Variants in ANGEL1 observed in about 807,000 individuals in gnomAD.
The protein encoded by ANGEL1 is angel homolog 1.
Under a neutral mutation model 76.4 loss-of-function variants are expected in ANGEL1, and 62 were observed. The ratio of observed to expected loss-of-function variants is 0.81; its 90% CI spans 0.66 to 1.00. ANGEL1 has a LOEUF of 1.00. Ranked by LOEUF, ANGEL1 falls within the 50% of genes least tolerant of loss-of-function variation. The pLI, the probability that ANGEL1 is intolerant of heterozygous loss-of-function variation, is 0.00. For missense variants in ANGEL1, 737 were observed against 836.7 expected (o/e 0.88, Z 1.47); for synonymous variants, 340 against 331.7 (o/e 1.03, Z -0.27).
At position 76,807,478 on chromosome 14, in the gene ANGEL1, C is replaced by T. The variant is rs1466135548; in HGVS notation, c.901G>A (p.Glu301Lys). The change falls in exon 4 of 10, where the codon GAA becomes AAA. Residue 301 changes from glutamate (E) to lysine (K), a missense_variant. This residue lies in a region of ANGEL1 where 441 missense variants were observed against 449.5 expected (regional missense o/e 0.98). Coordinates refer to ENST00000251089, the MANE Select transcript of ANGEL1 (RefSeq NM_015305.4). ...TCCAGCTGCTCCCAGTAATGATCTT[C>T]CTGGACTTCCTGGAGACACAGGATC... ...PDILCLQEVQ[E>K]DHYWEQLEPS... The T allele has an allele frequency of 1.2e-6, 2 of 1,613,568 alleles. No homozygotes were observed. The highest frequency in any genetic ancestry group is 1.1e-5 in the South Asian group (1 of 90,882).
chr14:76,803,097 A>G (rs1894812900), intron 7 of ANGEL1, among the ~76,000 whole-genome samples: 1 of 152,218 alleles, frequency 6.6e-6, no homozygotes, highest in African/African-American at 2.4e-5. Context: ...CATGCTAGTC[A>G]TTAGCAACTT....
chr14:76,809,256 GGGAT>G lies in ANGEL1; in HGVS notation c.448_451del (p.Ile150ProfsTer35), dbSNP rs1373763315. 6.2e-7 allele frequency: 1 copy of G among 1,613,178 alleles called. No individual in the cohort carries two copies. The highest frequency in any genetic ancestry group is 8.5e-7 in the Non-Finnish European group (1 of 1,179,520). On this transcript the variant is annotated frameshift_variant, in exon 2 of 10. Transcript: ENST00000251089. LOFTEE classifies it high-confidence loss of function. ...TGCATACTGGGGCTCCGACTGCATG[GGGAT>G]AGCTGCCCACATGGAGCCCTCCACC...
chr14:76,795,451 A>G (rs1894548982), intron 7 of ANGEL1, among the ~76,000 whole-genome samples: 1 of 152,174 alleles, frequency 6.6e-6, no homozygotes, highest in Non-Finnish European at 1.5e-5. Flanking sequence ...AGAACATTAG[A>G]GTCTGCAGTT....
intron 7 of ANGEL1, among the ~76,000 whole-genome samples, chr14:76,793,285 C>T (rs553915862): frequency 2.7e-5 from 4 of 147,170 alleles, no homozygotes; most frequent in African/African-American, 1.0e-4. Flanking sequence ...GCAATACTTC[C>T]CTAGGCAACA....
chr14:76,812,698 GCCCGCGGAGCCCCGCAGAGGCGA>G, intron 1 of ANGEL1, 43 bp downstream of exon 1: 1 of 1,446,920 alleles, frequency 6.9e-7, no homozygotes. Flanking sequence ...GCCGCCCCAG[GCCCGCGGAGCCCCGCAGAGGCGA>G]GCCCTGGCCG....
chr14:76,809,646 A>G lies in ANGEL1; in HGVS notation c.65-3T>C. The G allele has an allele frequency of 6.2e-7, 1 of 1,609,730 alleles. No homozygotes were observed. The highest frequency in any genetic ancestry group is 8.5e-7 in the Non-Finnish European group (1 of 1,177,392). ...TTTTCGACATGTGAAGAAAGCATCT[A>G]GGAGGAAAGCCAAAATACCAGGTTA... On this transcript the variant is annotated splice_polypyrimidine_tract_variant and splice_region_variant and intron_variant, in intron 1 of 9. Coordinates refer to ENST00000251089, the MANE Select transcript of ANGEL1 (RefSeq NM_015305.4).
At chr14:76,805,259 T>C (rs1894885110) in intron 5 of ANGEL1, among the ~76,000 whole-genome samples, 1 of 152,146 alleles carries the variant, frequency 6.6e-6, no homozygotes, top group Non-Finnish European at 1.5e-5. Flanking sequence ...TTGCTCAAGG[T>C]GGCAGAGCAC....
chr14:76,812,478 G>A, intron 1 of ANGEL1: 1 of 1,209,060 alleles, frequency 8.3e-7, no homozygotes, highest in Non-Finnish European at 1.0e-6. Flanking sequence ...GGCCAGGAAA[G>A]GGCCCTGCCC....
chr14:76,795,302 T>G (rs144595911), intron 7 of ANGEL1, among the ~76,000 whole-genome samples: 107 of 152,332 alleles, frequency 7.0e-4, no homozygotes, highest in African/African-American at 2.4e-3. Flanking sequence ...ATTATATTAA[T>G]AGATATCCCA....
chr14:76,792,421 A>G (rs1894434631), intron 7 of ANGEL1, among the ~76,000 whole-genome samples: 1 of 152,194 alleles, frequency 6.6e-6, no homozygotes, highest in South Asian at 2.1e-4. Flanking sequence ...CTGACATCAA[A>G]ACTAGATAAA....
chr14:76,799,375 G>A (rs1894689498), intron 7 of ANGEL1, among the ~76,000 whole-genome samples: 1 of 127,452 alleles, frequency 7.8e-6, no homozygotes, highest in South Asian at 2.7e-4. Context: ...CTCACTGCAA[G>A]CTCTGCCTCC....
intron 5 of ANGEL1, among the ~76,000 whole-genome samples, chr14:76,805,939 T>C (rs1894904997): frequency 6.6e-6 from 1 of 152,238 alleles, no homozygotes. Context: ...TTAATGAGTA[T>C]AAAGTGCTTA....
At chr14:76,807,873 G>A in intron 3 of ANGEL1, 49 bp downstream of exon 3, 1 of 1,593,968 alleles carries the variant, frequency 6.3e-7, no homozygotes. Flanking sequence ...CTGGGCAACA[G>A]CCCAGGTCCA....
At chr14:76,808,314 G>A (rs1487179073) in intron 2 of ANGEL1, among the ~76,000 whole-genome samples, 166 bp from the exon 3 acceptor site, 1 of 152,152 alleles carries the variant, frequency 6.6e-6, no homozygotes. Context: ...TTCTTCAGAT[G>A]ACATGGTTAG....
chr14:76,803,513 A>C (rs1215849869), intron 6 of ANGEL1, 32 bp from the exon 7 acceptor site: 1 of 1,606,672 alleles, frequency 6.2e-7, no homozygotes, highest in African/African-American at 1.3e-5. Context: ...ATAGTGAAAG[A>C]AAGACGATGA....
intron 1 of ANGEL1, among the ~76,000 whole-genome samples, chr14:76,810,424 A>G (rs1241188255): frequency 2.0e-5 from 3 of 152,088 alleles, no homozygotes; most frequent in Middle Eastern, 3.4e-3. Context: ...TCTCAAAAAA[A>G]AAAAGAAAAG....
At chr14:76,798,129 T>A (rs1393911804) in intron 7 of ANGEL1, among the ~76,000 whole-genome samples, 1 of 75,470 alleles carries the variant, frequency 1.3e-5, no homozygotes, top group Non-Finnish European at 2.8e-5. Flanking sequence ...GCCAGTGCCT[T>A]TGTTTTTTTT....
chr14:76,806,475 G>A lies in ANGEL1; in HGVS notation c.1321C>T (p.Pro441Ser), dbSNP rs768896487. 2.5e-6 allele frequency: 4 copies of A among 1,614,168 alleles called. No homozygotes were observed. The highest frequency in any genetic ancestry group is 1.1e-5 in the South Asian group (1 of 91,080). ...CCATCCCTGATGAAGTTGTAGAGAGGTGAATCAGGGACAGAATTTAGGTCC... is the reference window on the plus strand; with the variant it reads ...CCATCCCTGATGAAGTTGTAGAGAGATGAATCAGGGACAGAATTTAGGTCC... Reference protein sequence around the residue: ...CGDLNSVPDSPLYNFIRDGEL... With the variant: ...CGDLNSVPDSSLYNFIRDGEL... The change falls in exon 5 of 10, where the codon CCT becomes TCT. Residue 441 changes from proline to serine, a missense_variant. Physicochemically the swap from Pro to Ser is moderately conservative, Grantham distance 74. Coordinates refer to ENST00000251089, the MANE Select transcript of ANGEL1 (RefSeq NM_015305.4).
At chr14:76,790,377 T>A (rs1595291887) in intron 9 of ANGEL1, among the ~76,000 whole-genome samples, 1 of 152,230 alleles carries the variant, frequency 6.6e-6, no homozygotes, top group South Asian at 2.1e-4. Flanking sequence ...AAAATGGGGA[T>A]TGGGAGTGAC....
Sources: gnomAD v4.1 joint callset for allele counts (sites outside exome capture counted in the v4.1 genomes callset) on GRCh38, gnomAD v4.1.1 for gene constraint, gnomAD v4.1.1 regional missense constraint, MANE v1.5 for transcripts, NCBI Gene and HGNC (gene_info 2026-07-23, HGNC 2026-07-21) for gene names.